FERMT1: variants seen among roughly 807,000 people sequenced by gnomAD.
FERMT1 encodes the protein fermitin family homolog 1.
A neutral mutation model predicts 85.3 loss-of-function variants in FERMT1; 60 were observed. The observed-to-expected ratio is 0.70, with a 90% CI of 0.57 to 0.87. FERMT1 has a LOEUF of 0.87. Among genes scored for constraint, FERMT1 ranks in the 40% least tolerant of loss-of-function variants. FERMT1 has a pLI of 0.00. For synonymous variants in FERMT1, 275 were observed against 301.1 expected (o/e 0.91, Z 0.90); for missense variants, 701 against 818.9 (o/e 0.86, Z 1.76).
chr20:6,084,442 G>C (rs1568654379), intron 12 of FERMT1, among the ~76,000 whole-genome samples: 1 of 152,252 alleles, frequency 6.6e-6, no homozygotes, highest in East Asian at 1.9e-4. Context: ...AGTGTCCACA[G>C]ACAATGATTC....
chr20:6,099,404 G>GAAAAA (rs200572377), intron 6 of FERMT1, among the ~76,000 whole-genome samples: 2 of 111,774 alleles, frequency 1.8e-5, no homozygotes, highest in African/African-American at 3.5e-5. Flanking sequence ...AGACTGTCTC[G>GAAAAA]AAAAAAAAAA....
At chr20:6,119,674 G>T in intron 1 of FERMT1, 102 bp from the exon 2 acceptor site, 2 of 928,438 alleles carry the variant, frequency 2.2e-6, no homozygotes, top group Non-Finnish European at 3.3e-6. Flanking sequence ...GTTTTTCATT[G>T]TAACCTCCTC....
intron 2 of FERMT1, among the ~76,000 whole-genome samples, chr20:6,118,599 A>G (rs1157129962): frequency 6.6e-6 from 1 of 152,250 alleles, no homozygotes; most frequent in Non-Finnish European, 1.5e-5. Flanking sequence ...AAAAGCCCGC[A>G]TCTAAGGCCT....
At chr20:6,093,679 G>A (rs572308945) in intron 9 of FERMT1, among the ~76,000 whole-genome samples, 19 of 152,306 alleles carry the variant, frequency 1.2e-4, no homozygotes, top group Non-Finnish European at 2.1e-4. Context: ...GACCCTGACC[G>A]GGCGTGGTGG....
In FERMT1 at chr20:6,076,884, G is replaced by T. The variant is rs1981838821; in HGVS notation, c.*289C>A. 2.1e-6 allele frequency: 1 copy of T among 486,812 alleles called. No individual in the cohort carries two copies. The highest frequency in any genetic ancestry group is 2.2e-5 in the South Asian group (1 of 45,974). 30.2% of individuals were successfully genotyped at this position (486,812 alleles called of 1,614,324 possible). A position where few individuals can be genotyped will look rare whatever the true frequency, so the allele number is the denominator to read the frequency against. Reference sequence around the variant, plus strand: ...CACCTGGCAGGTTCTGCAAGTCAGAGAACTGTAACCACATGCTGGGCCTTA... The same window carrying T: ...CACCTGGCAGGTTCTGCAAGTCAGATAACTGTAACCACATGCTGGGCCTTA... On this transcript the variant is annotated 3_prime_UTR_variant, in exon 15 of 15. Coordinates refer to ENST00000217289, the MANE Select transcript of FERMT1 (RefSeq NM_017671.5).
Position 6,086,794 on chromosome 20 carries a change from G to A in FERMT1, c.1371+983C>T, listed in dbSNP as rs547376022. Among the ~76,000 whole-genome samples the A allele has an allele frequency of 3.3e-5, 5 of 152,138 alleles. No homozygotes were observed. The East Asian group carries it at 7.7e-4, about 24-fold the overall frequency. ...TGTGCTTGCTTCCCCTTCACCTTCC[G>A]CTAAGATTGTAAGTTTCCTGAGGCC... On this transcript the variant is annotated intron_variant, in intron 11 of 14. Transcript: ENST00000217289.
rs770269738 is a variant in FERMT1, at chr20:6,089,094, A to G, written c.1140-5T>C. 6.2e-7 allele frequency: 1 copy of G among 1,610,984 alleles called. No individual in the cohort carries two copies. On this transcript the variant is annotated splice_polypyrimidine_tract_variant and splice_region_variant and intron_variant, in intron 9 of 14. Coordinates refer to ENST00000217289, the MANE Select transcript of FERMT1 (RefSeq NM_017671.5). ...TTTGGTAGTAACTTCTTGGGCCTGC[A>G]AATTCAAAGATAGTGAATGTTTAAA...
chr20:6,117,525 C>T (rs545262512), intron 2 of FERMT1, among the ~76,000 whole-genome samples: 1 of 152,206 alleles, frequency 6.6e-6, no homozygotes, highest in Admixed American at 6.5e-5. Flanking sequence ...CCTCTGCCTC[C>T]CGTGTTCAAG....
At chr20:6,099,276 G>A (rs1207102066) in intron 6 of FERMT1, among the ~76,000 whole-genome samples, 2 of 151,802 alleles carry the variant, frequency 1.3e-5, no homozygotes, top group Non-Finnish European at 2.9e-5. Context: ...GGTGGCAGGT[G>A]CATGTAATCC....
At chr20:6,082,996 GA>G (rs111510230) in intron 13 of FERMT1, among the ~76,000 whole-genome samples, 3,899 of 152,236 alleles carry the variant, frequency 0.026, 165 homozygotes, top group African/African-American at 0.088. Flanking sequence ...AGAAGTAATG[GA>G]GGAATGGAGT....
intron 6 of FERMT1, among the ~76,000 whole-genome samples, chr20:6,106,649 G>A (rs1982803889): frequency 1.3e-5 from 2 of 152,190 alleles, no homozygotes; most frequent in Non-Finnish European, 1.5e-5. Context: ...AAGTTCAAAG[G>A]ACTTATCTCA....
intron 13 of FERMT1, among the ~76,000 whole-genome samples, chr20:6,080,779 G>T (rs1360226162): frequency 2.6e-5 from 4 of 152,178 alleles, no homozygotes; most frequent in Non-Finnish European, 5.9e-5. Context: ...AGTATGTAGC[G>T]GGGAGCCAGT....
At chr20:6,097,200 C>T (rs990014537) in intron 7 of FERMT1, among the ~76,000 whole-genome samples, 167 bp from the exon 8 acceptor site, 3 of 152,100 alleles carry the variant, frequency 2.0e-5, no homozygotes, top group Admixed American at 1.3e-4. Context: ...TAACCTGAAT[C>T]GTTCTGAGGT....
Position 6,107,654 on chromosome 20 carries a change from G to C in FERMT1, c.747-20C>G, listed in dbSNP as rs995062310. ...AGCCAACTAGAAAATGACAGCATGA[G>C]TTTTAGAAGCCAGTCAATTTTACAT... On this transcript the variant is annotated intron_variant, in intron 5 of 14. Coordinates refer to ENST00000217289, the MANE Select transcript of FERMT1 (RefSeq NM_017671.5). 6 of 1,416,884 alleles carry C rather than the reference G, an allele frequency of 4.2e-6. No individual in the cohort carries two copies. In the African/African-American group the frequency reaches 7.0e-5, roughly 17 times the overall value. 87.8% of individuals were successfully genotyped at this position (1,416,884 alleles called of 1,614,324 possible).
chr20:6,081,358 AG>A (rs1981992022), intron 13 of FERMT1, among the ~76,000 whole-genome samples: 2 of 152,322 alleles, frequency 1.3e-5, no homozygotes, highest in African/African-American at 4.8e-5. Context: ...GGAGACCAAA[AG>A]AACTGGTCAG....
Position 6,102,022 on chromosome 20 carries a change from T to C in FERMT1, c.850-4391A>G, listed in dbSNP as rs957588489. Among the ~76,000 whole-genome samples, 4 of 152,188 alleles carry C rather than the reference T, an allele frequency of 2.6e-5. No individual in the cohort carries two copies. The East Asian group carries it at 7.7e-4, about 29-fold the overall frequency. On this transcript the variant is annotated intron_variant, in intron 6 of 14. Coordinates refer to ENST00000217289, the MANE Select transcript of FERMT1 (RefSeq NM_017671.5). Reference sequence around the variant, plus strand: ...ATATGTAACATAATATTTACCATCTTAACCATCCGCCTACTGTTTTTTAGA... The same window carrying C: ...ATATGTAACATAATATTTACCATCTCAACCATCCGCCTACTGTTTTTTAGA...
At chr20:6,122,560 A>C (rs896166015) in intron 1 of FERMT1, among the ~76,000 whole-genome samples, 2 of 152,212 alleles carry the variant, frequency 1.3e-5, no homozygotes, top group Non-Finnish European at 2.9e-5. Context: ...ACTCCCATTA[A>C]GGCAGCACCT....
At position 6,110,453 on chromosome 20, in the gene FERMT1, T is replaced by A. The variant is rs753756638; in HGVS notation, c.591A>T (p.Thr197=). The A allele has an allele frequency of 1.1e-5, 17 of 1,614,158 alleles. No individual in the cohort carries two copies. In the South Asian group the frequency reaches 1.9e-4, roughly 18 times the overall value. ...MTPIYDPING[T]PASSTMTWFS... is the part of the protein sequence containing the mutation. ...ACCAAGTCATGGTGGATGATGCTGG[T>A]GTTCCATTGATGGGGTCATATATAG... Residue 197 remains threonine, a synonymous_variant, in exon 5 of 15, where the codon ACA becomes ACT. Transcript: ENST00000217289.
chr20:6,087,495 G>A (rs1235248921), intron 11 of FERMT1, among the ~76,000 whole-genome samples: 1 of 152,152 alleles, frequency 6.6e-6, no homozygotes, highest in African/African-American at 2.4e-5. Context: ...ATTTTTAGTA[G>A]AGATGAGGTT....
Sources: gnomAD v4.1 joint callset for allele counts (sites outside exome capture counted in the v4.1 genomes callset) on GRCh38, gnomAD v4.1.1 for gene constraint, MANE v1.5 for transcripts, NCBI Gene and HGNC (gene_info 2026-07-23, HGNC 2026-07-21) for gene names.